The following ADGRB1 variants were observed in gnomAD, a reference collection of about 807,000 sequenced individuals.
ADGRB1 encodes the protein adhesion G protein-coupled receptor B1.
A neutral mutation model predicts 175.7 loss-of-function variants in ADGRB1; 36 were observed. The observed-to-expected ratio is 0.20, with a 90% CI of 0.16 to 0.27. The LOEUF (loss-of-function observed/expected upper bound fraction) is 0.27. Among genes scored for constraint, ADGRB1 ranks in the 10% least tolerant of loss-of-function variants. The probability of loss-of-function intolerance (pLI) is 1.00; values close to 1 mark genes in which losing one functional copy is unlikely to be tolerated. For synonymous variants in ADGRB1, 1,054 were observed against 979.4 expected, an observed-to-expected ratio of 1.08 and a Z score of -1.42; for missense variants, 1,731 against 2,255.3, an observed-to-expected ratio of 0.77 and a Z score of 4.71.
At chr8:142,503,384 A>C (rs1172294273) in intron 17 of ADGRB1, among the ~76,000 whole-genome samples, 2 of 152,068 alleles carry the variant, frequency 1.3e-5, no homozygotes, top group African/African-American at 4.8e-5. Context: ...AGGGCCTGGC[A>C]CAGGCCAGGC....
intron 27 of ADGRB1, chr8:142,539,790 C>G (rs994033144): frequency 1.3e-5 from 4 of 309,728 alleles, no homozygotes; most frequent in South Asian, 5.2e-5. Flanking sequence ...GCTCCCCCCC[C>G]CTGCCTCCTG....
chr8:142,477,354 G>T lies in ADGRB1; in HGVS notation c.1223-31G>T, dbSNP rs752235906. 3 of 1,594,576 alleles carry T rather than the reference G, an allele frequency of 1.9e-6. No homozygotes were observed. The Admixed American group carries it at 5.0e-5, about 27-fold the overall frequency. On this transcript the variant is annotated intron_variant, in intron 5 of 30. Coordinates refer to ENST00000517894, the MANE Select transcript of ADGRB1 (RefSeq NM_001702.3). ...CAGGGCAGCGGGGGCGGTGGCCGCA[G>T]TGGGCAGCAGCACCTTCCGTCCCTC...
chr8:142,518,352 C>A, intron 19 of ADGRB1, 111 bp downstream of exon 19: 1 of 1,139,778 alleles, frequency 8.8e-7, no homozygotes, highest in South Asian at 1.4e-5. Flanking sequence ...CATTTGTCCT[C>A]ACGTTCCCAG....
chr8:142,467,527 AGAG>A (rs1273939229), intron 2 of ADGRB1, among the ~76,000 whole-genome samples: 7 of 152,208 alleles, frequency 4.6e-5, no homozygotes, highest in African/African-American at 1.4e-4. Context: ...TGGGGGTTGC[AGAG>A]GAGAAGAAGA....
chr8:142,468,932 GC>G (rs1186044100), intron 2 of ADGRB1, among the ~76,000 whole-genome samples: 1 of 152,224 alleles, frequency 6.6e-6, no homozygotes, highest in Non-Finnish European at 1.5e-5. Context: ...TCCCTGACGT[GC>G]CCCCCAACGT....
At chr8:142,482,696 T>A (rs1394285580) in intron 11 of ADGRB1, among the ~76,000 whole-genome samples, 1 of 148,650 alleles carries the variant, frequency 6.7e-6, no homozygotes, top group Non-Finnish European at 1.5e-5. Flanking sequence ...CTGGCCCTGG[T>A]CACACACTGA....
chr8:142,532,283 CTG>C (rs1006779286), intron 24 of ADGRB1, among the ~76,000 whole-genome samples: 1 of 152,234 alleles, frequency 6.6e-6, no homozygotes, highest in Non-Finnish European at 1.5e-5. Context: ...TGGCCTCTGT[CTG>C]TGTTCCACAG....
At chr8:142,483,173 C>A (rs1210659909) in intron 11 of ADGRB1, among the ~76,000 whole-genome samples, 1 of 137,930 alleles carries the variant, frequency 7.3e-6, no homozygotes, top group African/African-American at 2.8e-5. Flanking sequence ...GAGCCCTGAC[C>A]CTGGTCACAC....
At chr8:142,485,958 G>A (rs1037722024) in intron 13 of ADGRB1, among the ~76,000 whole-genome samples, 2 of 152,186 alleles carry the variant, frequency 1.3e-5, no homozygotes, top group African/African-American at 2.4e-5. Flanking sequence ...TATGCCCGCT[G>A]AGGTCTCCCT....
intron 3 of ADGRB1, 120 bp from the exon 4 acceptor site, chr8:142,476,465 C>A (rs760937076): frequency 2.3e-6 from 2 of 868,156 alleles, no homozygotes; most frequent in Non-Finnish European, 3.7e-6. Context: ...TGGTCCCTGG[C>A]TCCCAGCTGC....
intron 3 of ADGRB1, 91 bp from the exon 4 acceptor site, chr8:142,476,494 C>T: frequency 8.4e-7 from 1 of 1,193,460 alleles, no homozygotes; most frequent in Non-Finnish European, 1.2e-6. Flanking sequence ...GCCAGGTGGC[C>T]CAGTGCTGCC....
intron 19 of ADGRB1, among the ~76,000 whole-genome samples, chr8:142,520,246 G>GGC: frequency 6.6e-6 from 1 of 150,966 alleles, no homozygotes; most frequent in Middle Eastern, 3.4e-3. Flanking sequence ...TGATGGTGAT[G>GGC]GTGGTGGTGA....
At chr8:142,514,135 G>A (rs1300817102) in intron 18 of ADGRB1, among the ~76,000 whole-genome samples, 2 of 152,070 alleles carry the variant, frequency 1.3e-5, no homozygotes, top group African/African-American at 4.8e-5. Context: ...GTTGGGTGTG[G>A]GGACTCTGGT....
chr8:142,542,530 G>A lies in ADGRB1; in HGVS notation c.4296G>A (p.Leu1432=), dbSNP rs1217523486. 14 of 1,486,438 alleles carry A rather than the reference G, an allele frequency of 9.4e-6. No homozygotes were observed. The highest frequency in any genetic ancestry group is 2.3e-5 in the Admixed American group (1 of 43,460). The allele number at this position is 1,486,438 out of a possible 1,614,324, so 92.1% of individuals were successfully genotyped here. ...AGCCCCTGCCCCCACCGCCCAATCT[G>A]GAGCCGGCACCCCCCAGCCTGGGGG... is the stretch of plus-strand genomic sequence containing the variant. ...PQQPLPPPPN[L]EPAPPSLGDP... The change falls in exon 28 of 31, where the codon CTG becomes CTA. Residue 1432 remains leucine (L), a synonymous_variant. Coordinates refer to ENST00000517894, the MANE Select transcript of ADGRB1 (RefSeq NM_001702.3). The surrounding 1 kb of genome is among the most constrained non-coding windows in gnomAD (Gnocchi z 6.3).
Position 142,524,268 on chromosome 8 carries a change from C to T in ADGRB1, c.3276C>T (p.Leu1092=). Residue 1092 remains leucine, a synonymous_variant, in exon 23 of 31, where the codon CTC becomes CTT. Transcript: ENST00000517894. ...GGCTCTCCCTGGAGGGGGGACTGCT[C>T]TATGCCTTCGTGGGACCTGCCGCTG... ...YCWLSLEGGL[L]YAFVGPAAAV... 2 of 1,600,520 alleles carry T rather than the reference C, an allele frequency of 1.2e-6. No individual in the cohort carries two copies. Among genetic ancestry groups the T allele is most frequent in the Non-Finnish European group, 1.7e-6 (2 of 1,178,988 alleles).
Position 142,542,778 on chromosome 8 carries a change from C to T in ADGRB1, c.4413+131C>T, listed in dbSNP as rs1009513274. ...GGCTCTGCCTCCTAGCTACACCCCCCACCCCTGGCCCTGCTGGGTGTGCTG... is the reference window on the plus strand; with the variant it reads ...GGCTCTGCCTCCTAGCTACACCCCCTACCCCTGGCCCTGCTGGGTGTGCTG... On this transcript the variant is annotated intron_variant, in intron 28 of 30. Coordinates refer to ENST00000517894, the MANE Select transcript of ADGRB1 (RefSeq NM_001702.3). The surrounding 1 kb of genome is among the most constrained non-coding windows in gnomAD (Gnocchi z 6.3). The T allele has an allele frequency of 1.2e-6, 1 of 820,464 alleles. No individual in the cohort carries two copies. Among genetic ancestry groups the T allele is most frequent in the Non-Finnish European group, 1.8e-6 (1 of 549,954 alleles). The allele number at this position is 820,464 out of a possible 1,614,324, so 50.8% of individuals were successfully genotyped here.
At chr8:142,457,879 C>T (rs1839766690) in intron 1 of ADGRB1, among the ~76,000 whole-genome samples, 1 of 152,268 alleles carries the variant, frequency 6.6e-6, no homozygotes, top group Admixed American at 6.5e-5. Flanking sequence ...GGTGGGGGAC[C>T]GTGCTGCCTC....
chr8:142,483,148 T>TCCTGGTCACACGCTGAGCCCTGAC, intron 11 of ADGRB1, among the ~76,000 whole-genome samples: 1 of 125,084 alleles, frequency 8.0e-6, no homozygotes, highest in African/African-American at 3.1e-5. Flanking sequence ...TGAACCCTGA[T>TCCTGGTCACACGCTGAGCCCTGAC]CCTGGTCACA....
chr8:142,544,087 C>T, intron 30 of ADGRB1, 133 bp from the exon 31 acceptor site: 1 of 927,772 alleles, frequency 1.1e-6, no homozygotes, highest in Non-Finnish European at 1.6e-6. Context: ...AAGCCTCATC[C>T]TGTCCCCTGT....
Sources: allele counts gnomAD v4.1 joint callset (sites outside exome capture counted in the v4.1 genomes callset), GRCh38; gene constraint gnomAD v4.1.1; non-coding constraint Gnocchi (gnomAD v3.1); transcripts MANE v1.5; gene names NCBI Gene and HGNC (gene_info 2026-07-23, HGNC 2026-07-21).